Variants in SOX6 observed in about 807,000 individuals in gnomAD.
SOX6 encodes the protein transcription factor SOX-6.
In SOX6, 11 loss-of-function variants were observed where a neutral mutation model predicts 97.8. That is an observed-to-expected ratio of 0.11 (90% CI 0.07 to 0.19). The LOEUF is 0.19. Among genes scored for constraint, SOX6 ranks in the 10% least tolerant of loss-of-function variants. The pLI is 1.00. For synonymous variants in SOX6, 360 were observed against 371.4 expected, an observed-to-expected ratio of 0.97 and a Z score of 0.35; for missense variants, 810 against 1,039.5, an observed-to-expected ratio of 0.78 and a Z score of 3.04.
At chr11:16,620,789 A>G (rs538310115) in intron 3 of SOX6, among the ~76,000 whole-genome samples, 140 of 152,264 alleles carry the variant, frequency 9.2e-4, no homozygotes, top group African/African-American at 3.3e-3. Flanking sequence ...GAATAGGGCC[A>G]TATCAATTGG....
At chr11:16,030,551 T>C (rs1036648404) in intron 12 of SOX6, among the ~76,000 whole-genome samples, 5 of 152,156 alleles carry the variant, frequency 3.3e-5, no homozygotes, top group African/African-American at 1.2e-4. Flanking sequence ...TTAAATTACC[T>C]TTTAAAATTA....
At chr11:16,278,433 T>C (rs1411900628) in intron 3 of SOX6, among the ~76,000 whole-genome samples, 1 of 152,130 alleles carries the variant, frequency 6.6e-6, no homozygotes, top group East Asian at 1.9e-4. Flanking sequence ...TACAAGCTTC[T>C]TTCTTCCCAC....
At chr11:16,502,244 T>C (rs1169707089) in intron 4 of SOX6, among the ~76,000 whole-genome samples, 1 of 152,134 alleles carries the variant, frequency 6.6e-6, no homozygotes, top group Non-Finnish European at 1.5e-5. Flanking sequence ...TTCTCACTCA[T>C]AGGTGGGAAT....
intron 4 of SOX6, among the ~76,000 whole-genome samples, chr11:16,210,217 C>CA (rs1485031840): frequency 6.6e-6 from 1 of 150,530 alleles, no homozygotes; most frequent in Non-Finnish European, 1.5e-5. Flanking sequence ...TTCATAATAG[C>CA]AAAAAAAGAG....
At chr11:16,519,076 A>G (rs907230737) in intron 4 of SOX6, among the ~76,000 whole-genome samples, 3 of 152,176 alleles carry the variant, frequency 2.0e-5, no homozygotes, top group African/African-American at 7.2e-5. Flanking sequence ...CAAATCCACT[A>G]GTACATGTCC....
intron 12 of SOX6, among the ~76,000 whole-genome samples, chr11:16,037,666 T>G (rs1232108995): frequency 1.3e-5 from 2 of 151,972 alleles, no homozygotes; most frequent in Non-Finnish European, 2.9e-5. Context: ...GACCTGTGAG[T>G]TGTGGAAGCA....
intron 4 of SOX6, among the ~76,000 whole-genome samples, chr11:16,491,693 C>T (rs900303278): frequency 4.0e-5 from 6 of 151,856 alleles, no homozygotes; most frequent in Non-Finnish European, 5.9e-5. Flanking sequence ...GTAACTGGCA[C>T]AAGAGGAGAA....
chr11:16,150,334 A>C (rs905112595), intron 6 of SOX6, among the ~76,000 whole-genome samples: 1 of 152,234 alleles, frequency 6.6e-6, no homozygotes, highest in African/African-American at 2.4e-5. Flanking sequence ...ACATTTTAGC[A>C]CAAATAGAAA....
chr11:16,385,910 T>C (rs745363550), intron 1 of SOX6, among the ~76,000 whole-genome samples: 3 of 152,202 alleles, frequency 2.0e-5, no homozygotes, highest in Non-Finnish European at 4.4e-5. Context: ...CTAATAGTCA[T>C]TCAAACTAAG....
chr11:16,355,711 T>C (rs1396690971), intron 1 of SOX6, among the ~76,000 whole-genome samples: 2 of 151,930 alleles, frequency 1.3e-5, no homozygotes, highest in Non-Finnish European at 2.9e-5. Context: ...AAACTAGCCG[T>C]GTATATTGGA....
chr11:16,699,323 T>C (rs1373482036), intron 3 of SOX6, among the ~76,000 whole-genome samples: 1 of 152,122 alleles, frequency 6.6e-6, no homozygotes. Flanking sequence ...GGAACCAAGA[T>C]TCAAACCCAA....
chr11:16,139,521 T>C (rs1850071932), intron 6 of SOX6, among the ~76,000 whole-genome samples: 1 of 152,280 alleles, frequency 6.6e-6, no homozygotes, highest in Non-Finnish European at 1.5e-5. Context: ...AATTGCACCA[T>C]ATATGGACAC....
intron 4 of SOX6, among the ~76,000 whole-genome samples, chr11:16,606,373 G>C (rs774992915): frequency 1.5e-4 from 23 of 152,104 alleles, no homozygotes; most frequent in Non-Finnish European, 2.1e-4. Context: ...AAAGCCCTCG[G>C]GATGTTGCCC....
chr11:16,114,535 GAAATT>G (rs1272408803), intron 6 of SOX6, among the ~76,000 whole-genome samples: 18 of 152,168 alleles, frequency 1.2e-4, no homozygotes, highest in Non-Finnish European at 1.5e-5. Flanking sequence ...TTCAGGACTA[GAAATT>G]ATCAAATTAC....
intron 3 of SOX6, among the ~76,000 whole-genome samples, chr11:16,685,115 A>T (rs1463964112): frequency 3.9e-5 from 6 of 152,164 alleles, no homozygotes; most frequent in Non-Finnish European, 8.8e-5. Context: ...GGGGAATACA[A>T]TTCAAAATGG....
At chr11:16,434,247 C>T (rs16933090) in intron 1 of SOX6, 17,853 of 151,992 alleles carry the variant, frequency 0.12, 1,159 homozygotes, top group African/African-American at 0.16. Context: ...CCATGATAAA[C>T]GAACATATGC....
chr11:16,697,291 G>T (rs556020504), intron 3 of SOX6, among the ~76,000 whole-genome samples: 139 of 152,204 alleles, frequency 9.1e-4, no homozygotes, highest in Middle Eastern at 3.4e-3. Flanking sequence ...CTCCTCCCAT[G>T]AATCAAAATG....
intron 3 of SOX6, among the ~76,000 whole-genome samples, chr11:16,294,705 C>G (rs1213980689): frequency 1.3e-5 from 2 of 151,986 alleles, no homozygotes; most frequent in East Asian, 3.9e-4. Context: ...TCAACATTTT[C>G]TAGATTCTTT....
intron 4 of SOX6, among the ~76,000 whole-genome samples, chr11:16,199,929 A>G (rs1358158334): frequency 1.3e-5 from 2 of 152,190 alleles, no homozygotes; most frequent in Non-Finnish European, 2.9e-5. Context: ...AAATTTCACA[A>G]GAATTTATAT....
Sources: allele counts gnomAD v4.1 joint callset (sites outside exome capture counted in the v4.1 genomes callset), GRCh38; gene constraint gnomAD v4.1.1; transcripts MANE v1.5; gene names NCBI Gene and HGNC (gene_info 2026-07-23, HGNC 2026-07-21).